Variants in CTNNA2 observed in about 807,000 individuals in gnomAD.
The protein encoded by CTNNA2 is catenin alpha 2.
Under a neutral mutation model 101.0 loss-of-function variants are expected in CTNNA2, and 42 were observed. That is an observed-to-expected ratio of 0.42 (90% CI 0.32 to 0.54). The LOEUF (loss-of-function observed/expected upper bound fraction) is 0.54, where lower values mean the gene tolerates loss of function less well. CTNNA2 is among the 20% of genes least tolerant of loss of function. CTNNA2 has a pLI of 0.14. For synonymous variants in CTNNA2, 450 were observed against 456.4 expected, an observed-to-expected ratio of 0.99 and a Z score of 0.18; for missense variants, 871 against 1,223.1, an observed-to-expected ratio of 0.71 and a Z score of 4.29.
intron 4 of CTNNA2, among the ~76,000 whole-genome samples, chr2:79,398,710 T>G (rs1445229274): frequency 6.6e-6 from 1 of 151,562 alleles, no homozygotes; most frequent in Non-Finnish European, 1.5e-5. Context: ...AGAACAAAGA[T>G]CTCTGAAAAC....
chr2:79,936,035 C>T (rs1687766237), intron 7 of CTNNA2, among the ~76,000 whole-genome samples: 1 of 152,164 alleles, frequency 6.6e-6, no homozygotes, highest in Non-Finnish European at 1.5e-5. Flanking sequence ...TTAATAATAA[C>T]TAAAATGAAA....
intron 9 of CTNNA2, among the ~76,000 whole-genome samples, chr2:80,541,719 C>T (rs1691571431): frequency 6.6e-6 from 1 of 151,610 alleles, no homozygotes; most frequent in African/African-American, 2.4e-5. Flanking sequence ...CCAGTTACAG[C>T]ACTCTTCATT....
chr2:79,314,233 T>C (rs1280187930), intron 3 of CTNNA2, among the ~76,000 whole-genome samples: 2 of 152,196 alleles, frequency 1.3e-5, no homozygotes, highest in African/African-American at 4.8e-5. Context: ...TCTTTAGTAC[T>C]GCAGCATTCC....
At chr2:80,214,586 T>C (rs1339059794) in intron 7 of CTNNA2, among the ~76,000 whole-genome samples, 1 of 152,200 alleles carries the variant, frequency 6.6e-6, no homozygotes, top group Non-Finnish European at 1.5e-5. Context: ...AGATCAGCTG[T>C]TAGTCTGATG....
At chr2:80,019,628 AC>A (rs1694412917) in intron 7 of CTNNA2, among the ~76,000 whole-genome samples, 1 of 152,098 alleles carries the variant, frequency 6.6e-6, no homozygotes, top group Non-Finnish European at 1.5e-5. Context: ...CAGGCCATTT[AC>A]TTTTATTTGT....
chr2:80,518,874 C>T (rs1044541663), intron 9 of CTNNA2, among the ~76,000 whole-genome samples: 9 of 152,146 alleles, frequency 5.9e-5, no homozygotes, highest in African/African-American at 2.2e-4. Flanking sequence ...AACCTAGTAT[C>T]TGATTGTAAT....
At chr2:79,772,852 C>G (rs1411464081) in intron 3 of CTNNA2, among the ~76,000 whole-genome samples, 1 of 152,152 alleles carries the variant, frequency 6.6e-6, no homozygotes, top group South Asian at 2.1e-4. Context: ...TTTTACATAC[C>G]TAATGATTAG....
chr2:80,274,990 A>T (rs575371046), intron 7 of CTNNA2, among the ~76,000 whole-genome samples: 2 of 152,220 alleles, frequency 1.3e-5, no homozygotes, highest in African/African-American at 2.4e-5. Flanking sequence ...CAATTATAGC[A>T]TATAGAAGGT....
At chr2:80,444,538 G>C (rs1461752834) in intron 9 of CTNNA2, among the ~76,000 whole-genome samples, 1 of 152,140 alleles carries the variant, frequency 6.6e-6, no homozygotes, top group Non-Finnish European at 1.5e-5. Flanking sequence ...ATTGTGGGAT[G>C]TTGATAGGGC....
chr2:80,285,181 C>G (rs116626639), intron 7 of CTNNA2, among the ~76,000 whole-genome samples: 1,919 of 152,242 alleles, frequency 0.013, 32 homozygotes, highest in African/African-American at 0.042. Context: ...TTTATCATGG[C>G]AGCAGACTGC....
rs114350050 is a variant in CTNNA2, at chr2:79,971,818, G to A, written c.1056+62021G>A. ...CCCCTGAGTTTGTAGTTTGGACAAG[G>A]CTAAGCAAGGATAGCTCTACTGTGT... On this transcript the variant is annotated intron_variant, in intron 7 of 18. Transcript: ENST00000402739. 4.5e-3 allele frequency among the ~76,000 whole-genome samples: 681 copies of A among 152,264 alleles called. 6 individuals are homozygous for A. Among genetic ancestry groups the A allele is most frequent in the African/African-American group, 0.015 (638 of 41,544 alleles).
chr2:80,469,579 A>G (rs1685125701), intron 9 of CTNNA2, among the ~76,000 whole-genome samples: 1 of 152,220 alleles, frequency 6.6e-6, no homozygotes, highest in Admixed American at 6.5e-5. Context: ...CTGAACACTG[A>G]AAGACTGACA....
intron 3 of CTNNA2, among the ~76,000 whole-genome samples, chr2:79,768,796 G>A (rs763549424): frequency 2.4e-4 from 37 of 152,148 alleles, no homozygotes; most frequent in African/African-American, 5.3e-4. Context: ...CTCTCATACC[G>A]TGTAGCCAGT....
At chr2:80,043,596 T>C (rs1268530891) in intron 7 of CTNNA2, among the ~76,000 whole-genome samples, 1 of 152,194 alleles carries the variant, frequency 6.6e-6, no homozygotes, top group African/African-American at 2.4e-5. Context: ...TCACAGGCAA[T>C]GGAGTTGATT....
At chr2:80,200,821 A>G (rs1177271745) in intron 7 of CTNNA2, among the ~76,000 whole-genome samples, 1 of 150,824 alleles carries the variant, frequency 6.6e-6, no homozygotes, top group Non-Finnish European at 1.5e-5. Context: ...GGCATGAGCC[A>G]CCATGCCTGG....
intron 7 of CTNNA2, among the ~76,000 whole-genome samples, chr2:79,982,740 G>C (rs182862885): frequency 2.7e-4 from 41 of 152,082 alleles, no homozygotes; most frequent in African/African-American, 9.6e-4. Flanking sequence ...GGGAAATTTT[G>C]CTTTCACCTA....
At chr2:79,900,289 CT>C (rs907598432) in intron 6 of CTNNA2, among the ~76,000 whole-genome samples, 1 of 152,052 alleles carries the variant, frequency 6.6e-6, no homozygotes, top group African/African-American at 2.4e-5. Flanking sequence ...GGATAGCAAA[CT>C]TTTTTCTTTG....
intron 7 of CTNNA2, among the ~76,000 whole-genome samples, chr2:80,253,655 C>A (rs1355097895): frequency 6.6e-6 from 1 of 152,160 alleles, no homozygotes; most frequent in Admixed American, 6.5e-5. Context: ...CTTCCTCAAT[C>A]AAAATCTCTT....
At chr2:80,504,103 G>A (rs776730715) in intron 9 of CTNNA2, among the ~76,000 whole-genome samples, 14 of 152,114 alleles carry the variant, frequency 9.2e-5, no homozygotes, top group Non-Finnish European at 1.9e-4. Flanking sequence ...TGTCTGCCCA[G>A]GGCCTCACCA....
Sources: gnomAD v4.1 joint callset for allele counts (sites outside exome capture counted in the v4.1 genomes callset) on GRCh38, gnomAD v4.1.1 for gene constraint, MANE v1.5 for transcripts, NCBI Gene and HGNC (gene_info 2026-07-23, HGNC 2026-07-21) for gene names.